STARD13: variants seen among roughly 807,000 people sequenced by gnomAD.
STARD13 encodes stAR-related lipid transfer protein 13.
In STARD13, 62 loss-of-function variants were observed where a neutral mutation model predicts 106.4. The observed-to-expected ratio is 0.58, with a 90% CI of 0.48 to 0.72. The LOEUF (loss-of-function observed/expected upper bound fraction) is 0.72, where lower values mean the gene tolerates loss of function less well. Among genes scored for constraint, STARD13 ranks in the 30% least tolerant of loss-of-function variants. The probability of loss-of-function intolerance (pLI) is 0.00; values close to 1 mark genes in which losing one functional copy is unlikely to be tolerated. For synonymous variants in STARD13, 565 were observed against 553.0 expected (o/e 1.02, Z -0.31); for missense variants, 1,387 against 1,424.0 (o/e 0.97, Z 0.42).
the STARD13 span, among the ~76,000 whole-genome samples, chr13:33,546,596 G>A: frequency 6.6e-6 from 1 of 151,938 alleles, no homozygotes; most frequent in Non-Finnish European, 1.5e-5. Context: ...TCATTTTAAT[G>A]ACCATGCTCC....
At chr13:33,609,085 CAAAA>C in the STARD13 span, among the ~76,000 whole-genome samples, 2 of 50,598 alleles carry the variant, frequency 4.0e-5, no homozygotes, top group Non-Finnish European at 3.7e-5. Flanking sequence ...GACTCCGTCT[CAAAA>C]AAAAAAAAAA....
the STARD13 span, among the ~76,000 whole-genome samples, chr13:33,565,898 T>C: frequency 6.7e-6 from 1 of 148,596 alleles, no homozygotes; most frequent in Non-Finnish European, 1.5e-5. Flanking sequence ...ATTAATTACT[T>C]TCTCCTTTAT....
chr13:33,416,663 C>T, the STARD13 span, among the ~76,000 whole-genome samples: 20 of 152,130 alleles, frequency 1.3e-4, no homozygotes, highest in African/African-American at 4.8e-4. Context: ...AGTCAGATTC[C>T]TTCTCTAGAC....
intron 1 of STARD13, among the ~76,000 whole-genome samples, chr13:33,211,324 G>C (rs983543970): frequency 2.0e-5 from 3 of 151,848 alleles, no homozygotes; most frequent in African/African-American, 7.3e-5. Flanking sequence ...CAGAAGCATA[G>C]CCTAAAAAAG....
chr13:33,558,875 T>A, the STARD13 span, among the ~76,000 whole-genome samples: 1 of 151,620 alleles, frequency 6.6e-6, no homozygotes, highest in African/African-American at 2.4e-5. Flanking sequence ...AGAGTTTTAT[T>A]TTTTGTTATC....
intron 7 of STARD13, among the ~76,000 whole-genome samples, chr13:33,123,634 T>C (rs535246006): frequency 3.0e-4 from 46 of 152,338 alleles, no homozygotes; most frequent in Admixed American, 5.2e-4. Flanking sequence ...TGGTTCATAA[T>C]TGAAGGCTAA....
At chr13:33,459,551 G>A in the STARD13 span, among the ~76,000 whole-genome samples, 694 of 152,258 alleles carry the variant, frequency 4.6e-3, 7 homozygotes, top group Non-Finnish European at 7.9e-3. Flanking sequence ...TTACAAAAAA[G>A]CTTCTATGAA....
At chr13:33,451,176 G>A in the STARD13 span, among the ~76,000 whole-genome samples, 1 of 152,190 alleles carries the variant, frequency 6.6e-6, no homozygotes. Context: ...CCCCATGCCT[G>A]GCTGAAATGC....
chr13:33,166,385 C>G (rs1430481077), intron 2 of STARD13, among the ~76,000 whole-genome samples: 1 of 152,062 alleles, frequency 6.6e-6, no homozygotes, highest in Non-Finnish European at 1.5e-5. Flanking sequence ...TGAGGCTCCT[C>G]TCTCCTCCTG....
At chr13:33,111,090 C>A (rs773806683) in intron 10 of STARD13, among the ~76,000 whole-genome samples, 183 bp from the exon 11 acceptor site, 2 of 152,248 alleles carry the variant, frequency 1.3e-5, no homozygotes, top group Non-Finnish European at 2.9e-5. Context: ...TCAGGAAATA[C>A]AAACATGTTT....
intron 1 of STARD13, among the ~76,000 whole-genome samples, chr13:33,223,199 G>A (rs913455018): frequency 1.3e-5 from 2 of 152,312 alleles, no homozygotes; most frequent in East Asian, 1.9e-4. Flanking sequence ...TGAGTTATCT[G>A]AGGACAACAG....
At chr13:33,314,257 C>T (rs1052639311) in intron 1 of STARD13, among the ~76,000 whole-genome samples, 11 of 152,112 alleles carry the variant, frequency 7.2e-5, no homozygotes, top group African/African-American at 2.7e-4. Flanking sequence ...ACCCAAAGTC[C>T]AGCAGAGATA....
rs749493454 is a variant in STARD13 at position 33,130,104 on chromosome 13, G to A, written c.573C>T (p.Ser191=). The A allele has an allele frequency of 2.2e-5, 35 of 1,613,918 alleles. No individual in the cohort carries two copies. Among genetic ancestry groups the A allele is most frequent in the Middle Eastern group, 1.6e-4 (1 of 6,084 alleles). The change falls in exon 5 of 14, where the codon AGC becomes AGT. Residue 191 remains serine (S), a synonymous_variant. Coordinates refer to ENST00000336934, the MANE Select transcript of STARD13 (RefSeq NM_178006.4). This position sits in a 1 kb window ranked among gnomAD's most constrained non-coding sequence, Gnocchi z 4.1. ...TSSESVLTDL[S]EPEVCSIHSE... ...TGTGAATGGAGCAGACCTCAGGCTC[G>A]CTCAGGTCTGTGAGGACGCTCTCAC...
chr13:33,509,929 G>A, the STARD13 span, among the ~76,000 whole-genome samples: 5 of 152,186 alleles, frequency 3.3e-5, no homozygotes, highest in Non-Finnish European at 7.3e-5. Context: ...AGGAAAGGGA[G>A]TTCCTCCCAG....
intron 1 of STARD13, among the ~76,000 whole-genome samples, chr13:33,338,240 AG>A (rs2077918805): frequency 6.6e-6 from 1 of 152,216 alleles, no homozygotes. Context: ...CAGACAGAAA[AG>A]GTACTAAAAG....
chr13:33,646,708 A>G, the STARD13 span, among the ~76,000 whole-genome samples: 2 of 152,122 alleles, frequency 1.3e-5, no homozygotes, highest in African/African-American at 4.8e-5. Context: ...ATTTAGGTCA[A>G]CTGTAACTAT....
At chr13:33,261,748 T>C (rs983798329) in intron 1 of STARD13, among the ~76,000 whole-genome samples, 41 of 152,234 alleles carry the variant, frequency 2.7e-4, no homozygotes, top group African/African-American at 9.2e-4. Flanking sequence ...TTGAGATGAC[T>C]GGCAGGAGAA....
chr13:33,111,696 C>G, intron 10 of STARD13, 82 bp downstream of exon 10: 1 of 842,942 alleles, frequency 1.2e-6, no homozygotes, highest in South Asian at 1.5e-5. Context: ...CAGATAGAAA[C>G]CATAAATGTA....
At chr13:33,223,800 A>T (rs990745535) in intron 1 of STARD13, among the ~76,000 whole-genome samples, 1 of 152,130 alleles carries the variant, frequency 6.6e-6, no homozygotes, top group African/African-American at 2.4e-5. Context: ...TTCAGTTTGT[A>T]CATTTATAAA....
Sources: gnomAD v4.1 joint callset for allele counts (sites outside exome capture counted in the v4.1 genomes callset) on GRCh38, gnomAD v4.1.1 for gene constraint, Gnocchi (gnomAD v3.1) non-coding constraint, MANE v1.5 for transcripts, NCBI Gene and HGNC (gene_info 2026-07-23, HGNC 2026-07-21) for gene names.